The following ABCA4 variants were observed in gnomAD, a reference collection of about 807,000 sequenced individuals.
The protein encoded by ABCA4 is retinal-specific phospholipid-transporting ATPase ABCA4.
ABCA4 carries 196 observed loss-of-function variants against 263.7 expected under a neutral mutation model. The observed-to-expected ratio is 0.74, with a 90% CI of 0.66 to 0.84. The LOEUF (loss-of-function observed/expected upper bound fraction) is 0.84, where lower values mean the gene tolerates loss of function less well. ABCA4 is among the 40% of genes least tolerant of loss of function. ABCA4 has a pLI of 0.00. For missense variants in ABCA4, 2,792 were observed against 2,855.1 expected, an observed-to-expected ratio of 0.98 and a Z score of 0.50; for synonymous variants, 1,133 against 1,094.2, an observed-to-expected ratio of 1.04 and a Z score of -0.70.
At position 94,001,035 on chromosome 1, in the gene ABCA4, CT is replaced by C. The variant is rs61750650; in HGVS notation, c.6352del (p.Arg2118GlufsTer27). ...MLWNVIVSII[R>X]EGRAVVLTSH... ...TGTGAGGACCACAGCCCTCCCTTCT[CT>C]GATGATGCTCACGATGACGTTCCAC... On this transcript the variant is annotated frameshift_variant, in exon 46 of 50. Coordinates refer to ENST00000370225, the MANE Select transcript of ABCA4 (RefSeq NM_000350.3). LOFTEE classifies it high-confidence loss of function. 13 of 1,614,218 alleles carry C rather than the reference CT, an allele frequency of 8.1e-6. No individual in the cohort carries two copies. Among genetic ancestry groups the C allele is most frequent in the Non-Finnish European group, 1.1e-5 (13 of 1,180,040 alleles).
intron 1 of ABCA4, among the ~76,000 whole-genome samples, chr1:94,115,178 A>G (rs1364754632): frequency 6.6e-6 from 1 of 152,236 alleles, no homozygotes; most frequent in Non-Finnish European, 1.5e-5. Flanking sequence ...GAGTGATAGG[A>G]GCAATTGATG....
intron 19 of ABCA4, among the ~76,000 whole-genome samples, chr1:94,044,993 G>C (rs999995001): frequency 6.6e-6 from 1 of 152,196 alleles, no homozygotes; most frequent in Admixed American, 6.5e-5. Context: ...GGCCAACGCC[G>C]AGGGCCTTTG....
At chr1:94,056,844 T>C in intron 14 of ABCA4, 22 bp from the exon 15 acceptor site, 3 of 1,567,062 alleles carry the variant, frequency 1.9e-6, no homozygotes, top group East Asian at 2.4e-5. Context: ...AGGCCATGCG[T>C]CAGTAACTCC....
chr1:94,015,638 A>T, intron 37 of ABCA4, 101 bp downstream of exon 37: 1 of 941,256 alleles, frequency 1.1e-6, no homozygotes, highest in Non-Finnish European at 1.7e-6. Flanking sequence ...TGTGGGTGCT[A>T]CCACCACAGG....
chr1:94,098,162 A>G (rs1201694992), intron 6 of ABCA4, among the ~76,000 whole-genome samples: 1 of 152,140 alleles, frequency 6.6e-6, no homozygotes, highest in Non-Finnish European at 1.5e-5. Flanking sequence ...AGATATTTTC[A>G]GGTCCCAAGC....
rs61748532 is a variant in ABCA4, at chr1:94,103,071, C to T, written c.514G>A (p.Gly172Ser). Residue 172 changes from glycine (G) to serine (S), a missense_variant, in exon 5 of 50, where the codon GGC (glycine) becomes AGC (serine). Gly to Ser is a moderately conservative substitution (Grantham distance 56, BLOSUM62 0). Coordinates refer to ENST00000370225, the MANE Select transcript of ABCA4 (RefSeq NM_000350.3). The part of the protein sequence containing the change: ...TLTLFLIKNI[G>S]LSDSVVYLLI... ...AGGTAGACCACTGAGTCAGACAGGC[C>T]GATGTTTTTAATGAGAAATAGTGTC... 3.9e-4 allele frequency: 628 copies of T among 1,614,088 alleles called. 3 individuals carry two copies. The highest frequency in any genetic ancestry group is 6.0e-4 in the Admixed American group (36 of 60,020).
intron 44 of ABCA4, 126 bp from the exon 45 acceptor site, chr1:94,002,118 G>A (rs1292950578): frequency 7.4e-6 from 10 of 1,354,592 alleles, no homozygotes; most frequent in Non-Finnish European, 1.0e-5. Context: ...GCTGAAACAG[G>A]CTCCTGCTGG....
intron 26 of ABCA4, 23 bp downstream of exon 26, chr1:94,036,717 A>G (rs1241614327): frequency 6.2e-7 from 1 of 1,613,350 alleles, no homozygotes; most frequent in East Asian, 2.2e-5. Context: ...GAAGGGAACA[A>G]GCCACTGGCT....
chr1:94,082,007 A>G (rs772679316), intron 7 of ABCA4, among the ~76,000 whole-genome samples: 14 of 152,250 alleles, frequency 9.2e-5, no homozygotes, highest in Non-Finnish European at 1.8e-4. Flanking sequence ...ATATTTCCCC[A>G]TTGCAATAAG....
chr1:94,046,975 G>A lies in ABCA4; in HGVS notation c.2862C>T (p.Tyr954=), dbSNP rs757870374. The stretch of plus-strand genomic sequence containing the variant: ...CCAGGAATGCGGTGATCTGGTTCTC[G>A]TAGAAGGTGATGTTCAGACGGTCCA... ...PAVDRLNITF[Y]ENQITAFLGH... The change falls in exon 19 of 50, where the codon TAC becomes TAT. Residue 954 remains tyrosine (Y), a synonymous_variant. Coordinates refer to ENST00000370225, the MANE Select transcript of ABCA4 (RefSeq NM_000350.3). 3.6e-5 allele frequency: 58 copies of A among 1,614,014 alleles called. No individual in the cohort carries two copies. The East Asian group carries it at 8.0e-4, about 22-fold the overall frequency.
intron 38 of ABCA4, among the ~76,000 whole-genome samples, chr1:94,012,264 C>T (rs1659568833): frequency 2.0e-5 from 3 of 152,216 alleles, no homozygotes; most frequent in Non-Finnish European, 4.4e-5. Flanking sequence ...GCTCTTTGGC[C>T]TCTAGGCCTG....
chr1:94,091,996 A>G (rs1369579589), intron 6 of ABCA4, among the ~76,000 whole-genome samples: 1 of 152,224 alleles, frequency 6.6e-6, no homozygotes, highest in Non-Finnish European at 1.5e-5. Context: ...TTGGCATAGT[A>G]TTTCTGATGC....
intron 32 of ABCA4, among the ~76,000 whole-genome samples, chr1:94,022,532 T>C (rs1346262285): frequency 2.0e-5 from 3 of 152,188 alleles, no homozygotes; most frequent in Non-Finnish European, 2.9e-5. Flanking sequence ...TAGCCTCTCC[T>C]GCCTGGACTT....
At chr1:94,031,691 C>G in intron 27 of ABCA4, 87 bp downstream of exon 27, 1 of 1,559,256 alleles carries the variant, frequency 6.4e-7, no homozygotes, top group Non-Finnish European at 8.8e-7. Context: ...TGAGTTATAA[C>G]CCATGCCTGA....
chr1:94,003,979 A>C (rs761030323), intron 44 of ABCA4, among the ~76,000 whole-genome samples: 14 of 152,126 alleles, frequency 9.2e-5, no homozygotes, highest in Non-Finnish European at 1.8e-4. Flanking sequence ...TTTCTGGCAT[A>C]AGATATTCCA....
At chr1:94,033,680 G>T (rs1378910855) in intron 26 of ABCA4, among the ~76,000 whole-genome samples, 1 of 152,156 alleles carries the variant, frequency 6.6e-6, no homozygotes, top group Non-Finnish European at 1.5e-5. Flanking sequence ...CAGTTGTAAA[G>T]GGAATTGGAT....
At chr1:93,998,713 A>AT (rs1553186205) in intron 47 of ABCA4, among the ~76,000 whole-genome samples, 123 of 133,704 alleles carry the variant, frequency 9.2e-4, no homozygotes, top group Middle Eastern at 3.9e-3. Context: ...ATTTTATTTT[A>AT]TTTATTTTAT....
intron 11 of ABCA4, among the ~76,000 whole-genome samples, chr1:94,072,859 C>G (rs1422540709): frequency 2.6e-5 from 4 of 152,128 alleles, no homozygotes. Flanking sequence ...GGGAGGGGAT[C>G]AGAGGAAAGA....
rs201278133 is a variant in ABCA4, at chr1:94,007,648, G to A, written c.5991C>T (p.Thr1997=). The change falls in exon 43 of 50, where the codon ACC becomes ACT. Residue 1997 remains threonine (T), a synonymous_variant. Coordinates refer to ENST00000370225, the MANE Select transcript of ABCA4 (RefSeq NM_000350.3). ...AGGATACTCACCTCTTGCCTGCTAC[G>A]GTGGCATCCCCTGAGGTCACTGTGG... ...GDTTVTSGDA[T]VAGKSILTNI... 61 of 1,613,956 alleles carry A rather than the reference G, an allele frequency of 3.8e-5. No homozygotes were observed. Among genetic ancestry groups the A allele is most frequent in the African/African-American group, 2.3e-4 (17 of 75,030 alleles).
Sources: gnomAD v4.1 joint callset for allele counts (sites outside exome capture counted in the v4.1 genomes callset) on GRCh38, gnomAD v4.1.1 for gene constraint, MANE v1.5 for transcripts, NCBI Gene and HGNC (gene_info 2026-07-23, HGNC 2026-07-21) for gene names.